CREBRF: variants seen among roughly 807,000 people sequenced by gnomAD.
CREBRF encodes CREB3 regulatory factor, also known as UPF0474 protein C5orf41.
A neutral mutation model predicts 66.1 loss-of-function variants in CREBRF; 5 were observed. The ratio of observed to expected loss-of-function variants is 0.08; its 90% CI spans 0.04 to 0.16. The LOEUF (loss-of-function observed/expected upper bound fraction) is 0.16, where lower values mean the gene tolerates loss of function less well. Ranked by LOEUF, CREBRF falls within the 10% of genes least tolerant of loss-of-function variation. The pLI is 1.00. For synonymous variants in CREBRF, 229 were observed against 264.4 expected, an observed-to-expected ratio of 0.87 and a Z score of 1.30; for missense variants, 531 against 744.9, an observed-to-expected ratio of 0.71 and a Z score of 3.34.
chr5:173,075,182 G>A (rs982873586), intron 1 of CREBRF, among the ~76,000 whole-genome samples: 1 of 152,112 alleles, frequency 6.6e-6, no homozygotes, highest in Non-Finnish European at 1.5e-5. Context: ...TAATGGGCAT[G>A]TTTTGCTAAT....
intron 4 of CREBRF, among the ~76,000 whole-genome samples, chr5:173,097,682 A>G (rs1758512136): frequency 6.6e-6 from 1 of 152,044 alleles, no homozygotes. Flanking sequence ...GTTAGTGTAT[A>G]ATTGTTTATA....
At chr5:173,063,450 C>T (rs1200645476) in intron 1 of CREBRF, among the ~76,000 whole-genome samples, 1 of 151,860 alleles carries the variant, frequency 6.6e-6, no homozygotes, top group Non-Finnish European at 1.5e-5. Flanking sequence ...TCACTGCAAC[C>T]TCTGCCTCCT....
intron 7 of CREBRF, among the ~76,000 whole-genome samples, chr5:173,121,897 C>G (rs532579953): frequency 2.0e-4 from 30 of 152,132 alleles, no homozygotes; most frequent in African/African-American, 6.7e-4. Context: ...ACTGTGGTAC[C>G]TAGGCTGGAG....
chr5:173,121,858 C>A (rs1346885836), intron 7 of CREBRF, among the ~76,000 whole-genome samples: 3 of 149,272 alleles, frequency 2.0e-5, no homozygotes, highest in South Asian at 4.2e-4. Context: ...TTTTTCCTTG[C>A]CATTTTTTTT....
chr5:173,119,334 C>T (rs2113788941), intron 7 of CREBRF, among the ~76,000 whole-genome samples: 1 of 152,202 alleles, frequency 6.6e-6, no homozygotes, highest in South Asian at 2.1e-4. Context: ...CTAGCTAAGT[C>T]TTCTTTAGTT....
chr5:173,124,559 C>CAAAAAAAAAAAA (rs540860912), intron 8 of CREBRF: 1 of 76,188 alleles, frequency 1.3e-5, no homozygotes, highest in Admixed American at 1.4e-4. Context: ...AACTCTGTCT[C>CAAAAAAAAAAAA]AAAAAAAAAA....
Position 173,122,110 on chromosome 5 carries a change from T to C in CREBRF, c.1682-970T>C, listed in dbSNP as rs998915462. 2.0e-5 allele frequency among the ~76,000 whole-genome samples: 3 copies of C among 152,164 alleles called. No homozygotes were observed. The South Asian group carries it at 6.2e-4, about 32-fold the overall frequency. The stretch of plus-strand genomic sequence containing the variant: ...TTGTTGTTTGCTGCTGTTGTTGTTG[T>C]TGTTTTTTGAGAGGGAGTCTTGCTC... On this transcript the variant is annotated intron_variant, in intron 7 of 8. Coordinates refer to ENST00000296953, the MANE Select transcript of CREBRF (RefSeq NM_153607.3).
intron 7 of CREBRF, among the ~76,000 whole-genome samples, chr5:173,121,358 T>C (rs1759135589): frequency 6.6e-6 from 1 of 151,682 alleles, no homozygotes; most frequent in Non-Finnish European, 1.5e-5. Context: ...AGTCTTGCTC[T>C]GTTGTCCAGG....
chr5:173,061,114 C>T (rs1252765575), intron 1 of CREBRF, among the ~76,000 whole-genome samples: 1 of 152,004 alleles, frequency 6.6e-6, no homozygotes, highest in Non-Finnish European at 1.5e-5. Context: ...ATTACAGGCG[C>T]CTGCCACCGT....
At chr5:173,123,801 C>T (rs920129576) in intron 8 of CREBRF, 2 of 152,238 alleles carry the variant, frequency 1.3e-5, no homozygotes, top group African/African-American at 4.8e-5. Context: ...ATTAAATATA[C>T]ACAATAAAAG....
intron 1 of CREBRF, among the ~76,000 whole-genome samples, chr5:173,077,154 A>G (rs745419245): frequency 6.6e-6 from 1 of 152,026 alleles, no homozygotes; most frequent in Non-Finnish European, 1.5e-5. Context: ...CATATTGGCC[A>G]GGCTAGTCTC....
intron 3 of CREBRF, among the ~76,000 whole-genome samples, chr5:173,088,186 C>T (rs964994805): frequency 6.6e-6 from 1 of 150,486 alleles, no homozygotes; most frequent in Non-Finnish European, 1.5e-5. Flanking sequence ...GTCATAGCCA[C>T]ACACACCTGC....
At chr5:173,069,143 G>C (rs1757526034) in intron 1 of CREBRF, among the ~76,000 whole-genome samples, 1 of 151,962 alleles carries the variant, frequency 6.6e-6, no homozygotes. Context: ...AACATCCCAG[G>C]AGTATCACAT....
Position 173,108,966 on chromosome 5 carries a change from C to T in CREBRF, c.1417+148C>T, listed in dbSNP as rs541191843. The T allele has an allele frequency of 9.3e-6, 6 of 642,306 alleles. No individual in the cohort carries two copies. In the East Asian group the frequency reaches 1.7e-4, roughly 18 times the overall value. The allele number at this position is 642,306 out of a possible 1,614,324, so 39.8% of individuals were successfully genotyped here. On this transcript the variant is annotated intron_variant, in intron 5 of 8. Transcript: ENST00000296953. ...TAGAGCTGCTACATTTGTGTGACTA[C>T]TCTTCGTCACTCACAAATAGCTTTT... is the stretch of plus-strand genomic sequence containing the variant.
At chr5:173,115,579 G>A (rs1245684817) in intron 7 of CREBRF, among the ~76,000 whole-genome samples, 2 of 152,082 alleles carry the variant, frequency 1.3e-5, no homozygotes, top group Non-Finnish European at 2.9e-5. Flanking sequence ...GATATAGGAG[G>A]TTAGCTCTAC....
intron 4 of CREBRF, among the ~76,000 whole-genome samples, chr5:173,102,808 C>A (rs1423560340): frequency 6.6e-6 from 1 of 152,132 alleles, no homozygotes; most frequent in African/African-American, 2.4e-5. Flanking sequence ...TCTGCAGCTG[C>A]TGGCTTGGTG....
chr5:173,109,453 G>A (rs532476180), intron 5 of CREBRF: 3 of 152,274 alleles, frequency 2.0e-5, no homozygotes, highest in African/African-American at 7.2e-5. Context: ...TCCATCCTGG[G>A]CGATAGAGTG....
At chr5:173,126,226 T>C (rs1458608253) in intron 8 of CREBRF, among the ~76,000 whole-genome samples, 1 of 152,086 alleles carries the variant, frequency 6.6e-6, no homozygotes, top group Non-Finnish European at 1.5e-5. Context: ...CTGCAGCCTC[T>C]GCCTCCCAGG....
intron 3 of CREBRF, among the ~76,000 whole-genome samples, chr5:173,088,905 C>T (rs564487911): frequency 1.3e-5 from 2 of 151,978 alleles, no homozygotes; most frequent in African/African-American, 2.4e-5. Context: ...ACAGGCCGGG[C>T]GCAGTGGTCA....
Sources: allele counts gnomAD v4.1 joint callset (sites outside exome capture counted in the v4.1 genomes callset), GRCh38; gene constraint gnomAD v4.1.1; transcripts MANE v1.5; gene names NCBI Gene and HGNC (gene_info 2026-07-23, HGNC 2026-07-21).